AFG1L: variants seen among roughly 807,000 people sequenced by gnomAD.
AFG1L encodes AFG1 like ATPase.
Under a neutral mutation model 62.2 loss-of-function variants are expected in AFG1L, and 53 were observed. The observed-to-expected ratio is 0.85, with a 90% CI of 0.68 to 1.07. AFG1L has a LOEUF of 1.07. Ranked by LOEUF, AFG1L falls within the 50% of genes least tolerant of loss-of-function variation. AFG1L has a pLI of 0.00. For missense variants in AFG1L, 555 were observed against 590.5 expected (o/e 0.94, Z 0.62); for synonymous variants, 228 against 210.3 (o/e 1.08, Z -0.73).
intron 8 of AFG1L, among the ~76,000 whole-genome samples, chr6:108,465,798 A>G (rs1247541112): frequency 3.3e-5 from 5 of 152,188 alleles, no homozygotes; most frequent in Non-Finnish European, 5.9e-5. Flanking sequence ...AAATGTTTCT[A>G]GATTAACTAT....
intron 2 of AFG1L, among the ~76,000 whole-genome samples, chr6:108,329,529 C>T (rs1778191111): frequency 6.7e-6 from 1 of 149,212 alleles, no homozygotes; most frequent in Non-Finnish European, 1.5e-5. Flanking sequence ...GAACTCCTGA[C>T]CTCAAGTGAT....
intron 1 of AFG1L, among the ~76,000 whole-genome samples, chr6:108,307,412 ATTTTTT>A (rs5878975): frequency 7.3e-6 from 1 of 136,536 alleles, no homozygotes; most frequent in Non-Finnish European, 1.6e-5. Flanking sequence ...CTTTCATCTT[ATTTTTT>A]TTTTTTTTTG....
At chr6:108,395,406 T>TTC (rs1202427049) in intron 6 of AFG1L, among the ~76,000 whole-genome samples, 19 of 146,072 alleles carry the variant, frequency 1.3e-4, no homozygotes, top group African/African-American at 3.8e-4. Context: ...TTCTTTTCTT[T>TTC]TTTTTTTTTT....
At chr6:108,426,816 C>T (rs1459962686) in intron 7 of AFG1L, among the ~76,000 whole-genome samples, 1 of 152,088 alleles carries the variant, frequency 6.6e-6, no homozygotes, top group Non-Finnish European at 1.5e-5. Flanking sequence ...CTTCACCACT[C>T]TTCCCTCTTC....
intron 7 of AFG1L, among the ~76,000 whole-genome samples, chr6:108,405,489 G>T (rs1781810694): frequency 6.6e-6 from 1 of 152,058 alleles, no homozygotes; most frequent in Admixed American, 6.5e-5. Flanking sequence ...TGGGACTATA[G>T]GCGTATTCCA....
rs375407549 is a variant in AFG1L, at chr6:108,377,011, T to A, written c.748+10679T>A. Among the ~76,000 whole-genome samples, 8 of 152,356 alleles carry A rather than the reference T, an allele frequency of 5.3e-5. No homozygotes were observed. The East Asian group carries it at 1.5e-3, about 29-fold the overall frequency. ...TGCCCTTCTTTGTATGTTTTTGCCG[T>A]TGTTGGTTTAAAGTCTATTTAATCT... On this transcript the variant is annotated intron_variant, in intron 6 of 12. Transcript: ENST00000368977.
At chr6:108,398,154 G>T (rs948278760) in intron 6 of AFG1L, among the ~76,000 whole-genome samples, 1 of 152,170 alleles carries the variant, frequency 6.6e-6, no homozygotes, top group Non-Finnish European at 1.5e-5. Flanking sequence ...TTTAACTGGG[G>T]TGAGATGATA....
chr6:108,447,231 C>T lies in AFG1L; in HGVS notation c.825C>T (p.Val275=). The T allele has an allele frequency of 1.2e-6, 2 of 1,600,198 alleles. No homozygotes were observed. Among genetic ancestry groups the T allele is most frequent in the Non-Finnish European group, 1.7e-6 (2 of 1,167,766 alleles). The part of the protein sequence containing the change: ...IAVLKEYCNT[V]QLDSGIDYRK... ...GATTGTAGGAATATTGTAATACAGTCCAGCTAGATTCTGGGATAGATTACC... is the reference window on the plus strand; with the variant it reads ...GATTGTAGGAATATTGTAATACAGTTCAGCTAGATTCTGGGATAGATTACC... The change falls in exon 8 of 13, where the codon GTC becomes GTT. Residue 275 remains valine (V), a synonymous_variant. Coordinates refer to ENST00000368977, the MANE Select transcript of AFG1L (RefSeq NM_145315.5).
chr6:108,469,926 T>C (rs753471976), intron 8 of AFG1L, among the ~76,000 whole-genome samples: 1 of 152,174 alleles, frequency 6.6e-6, no homozygotes, highest in East Asian at 1.9e-4. Context: ...GGAATCTGGC[T>C]ATCCAAGTGG....
chr6:108,308,738 C>CT (rs201950608), intron 1 of AFG1L, among the ~76,000 whole-genome samples: 2,193 of 152,024 alleles, frequency 0.014, 90 homozygotes, highest in Admixed American at 0.084. Context: ...GAGTCTCACT[C>CT]TGTCATCCAG....
chr6:108,327,793 T>G (rs934201645), intron 2 of AFG1L, among the ~76,000 whole-genome samples: 2 of 152,228 alleles, frequency 1.3e-5, no homozygotes, highest in Non-Finnish European at 2.9e-5. Context: ...TAATTCTCTC[T>G]GTGTGTCTGT....
At chr6:108,415,661 G>A (rs949536037) in intron 7 of AFG1L, among the ~76,000 whole-genome samples, 2 of 152,138 alleles carry the variant, frequency 1.3e-5, no homozygotes, top group Non-Finnish European at 1.5e-5. Flanking sequence ...ACAAAAACAA[G>A]AAATGGGGAA....
At chr6:108,475,571 T>G (rs1773073910) in intron 8 of AFG1L, among the ~76,000 whole-genome samples, 1 of 152,212 alleles carries the variant, frequency 6.6e-6, no homozygotes, top group Non-Finnish European at 1.5e-5. Context: ...CTTTCTATAG[T>G]GTCATTTCAT....
chr6:108,434,250 T>C (rs1342685613), intron 7 of AFG1L, among the ~76,000 whole-genome samples: 1 of 152,212 alleles, frequency 6.6e-6, no homozygotes, highest in African/African-American at 2.4e-5. Context: ...TAACTCAGAA[T>C]TTTTGTCTTG....
At chr6:108,300,427 C>T (rs1283529468) in intron 1 of AFG1L, among the ~76,000 whole-genome samples, 1 of 152,240 alleles carries the variant, frequency 6.6e-6, no homozygotes, top group Admixed American at 6.5e-5. Context: ...GCAGGGATTA[C>T]AGGTGTGAGC....
intron 10 of AFG1L, among the ~76,000 whole-genome samples, chr6:108,493,887 A>T (rs1480509760): frequency 6.6e-6 from 1 of 152,072 alleles, no homozygotes; most frequent in Non-Finnish European, 1.5e-5. Flanking sequence ...CTCAGGCTGG[A>T]GTGCAGTGGC....
intron 10 of AFG1L, among the ~76,000 whole-genome samples, chr6:108,505,855 A>G (rs1172303445): frequency 6.6e-6 from 1 of 152,232 alleles, no homozygotes; most frequent in Non-Finnish European, 1.5e-5. Flanking sequence ...CGTTTAACCT[A>G]GGTGCATTTA....
chr6:108,302,512 A>G (rs1034985366), intron 1 of AFG1L, among the ~76,000 whole-genome samples: 6 of 151,892 alleles, frequency 4.0e-5, no homozygotes, highest in African/African-American at 1.5e-4. Flanking sequence ...ACCCTCAAAT[A>G]CCTATGAGTT....
At chr6:108,338,646 T>C (rs1778560147) in intron 2 of AFG1L, among the ~76,000 whole-genome samples, 1 of 152,200 alleles carries the variant, frequency 6.6e-6, no homozygotes. Context: ...AAGAAACTTT[T>C]AAACTTTGGT....
Sources: allele counts gnomAD v4.1 joint callset (sites outside exome capture counted in the v4.1 genomes callset), GRCh38; gene constraint gnomAD v4.1.1; transcripts MANE v1.5; gene names NCBI Gene and HGNC (gene_info 2026-07-23, HGNC 2026-07-21).